The following KLB variants were observed in gnomAD, a reference collection of about 807,000 sequenced individuals.
KLB encodes beta-klotho.
A neutral mutation model predicts 88.4 loss-of-function variants in KLB; 44 were observed. That is an observed-to-expected ratio of 0.50 (90% CI 0.39 to 0.64). The LOEUF is 0.64. Ranked by LOEUF, KLB falls within the 30% of genes least tolerant of loss-of-function variation. The pLI is 0.00. For missense variants in KLB, 1,137 were observed against 1,304.8 expected, an observed-to-expected ratio of 0.87 and a Z score of 1.98; for synonymous variants, 548 against 513.4, an observed-to-expected ratio of 1.07 and a Z score of -0.91.
chr4:39,408,872 T>G (rs1742781713), intron 1 of KLB, among the ~76,000 whole-genome samples: 1 of 151,358 alleles, frequency 6.6e-6, no homozygotes, highest in African/African-American at 2.4e-5. Flanking sequence ...TGAAAAAACT[T>G]TATCAATATA....
chr4:39,443,571 C>T (rs1462546320), intron 3 of KLB, among the ~76,000 whole-genome samples: 1 of 133,514 alleles, frequency 7.5e-6, no homozygotes, highest in South Asian at 2.4e-4. Context: ...GCCTGGCCAA[C>T]GTGGCAAAAT....
chr4:39,437,770 G>T lies in KLB; in HGVS notation c.1380G>T (p.Trp460Cys), dbSNP rs765859500. 1.2e-6 allele frequency: 2 copies of T among 1,613,954 alleles called. No individual in the cohort carries two copies. Among genetic ancestry groups the T allele is most frequent in the East Asian group, 2.2e-5 (1 of 44,874 alleles). Reference protein sequence around the residue: ...DEIRVFGYTAWSLLDGFEWQD... With the variant: ...DEIRVFGYTACSLLDGFEWQD... The stretch of plus-strand genomic sequence containing the variant: ...TACGAGTGTTTGGTTATACTGCCTG[G>T]TCTCTCCTGGATGGCTTTGAATGGC... The change falls in exon 3 of 5, where the codon TGG becomes TGT. Residue 460 changes from tryptophan (W) to cysteine (C), a missense_variant. By Grantham distance (215) the Trp-to-Cys change is radical (BLOSUM62 -2). Transcript: ENST00000257408.
In KLB at chr4:39,434,204, T is replaced by C. The variant is rs903251018; in HGVS notation, c.826-6T>C. Reference sequence around the variant, plus strand: ...AACAAAGATCAATAATATTTTCTTCTTTTAGGCTCACTCGAAAGTTTGGCA... The same window carrying C: ...AACAAAGATCAATAATATTTTCTTCCTTTAGGCTCACTCGAAAGTTTGGCA... On this transcript the variant is annotated splice_region_variant and splice_polypyrimidine_tract_variant and intron_variant, in intron 1 of 4. Coordinates refer to ENST00000257408, the MANE Select transcript of KLB (RefSeq NM_175737.4). 2 of 1,595,940 alleles carry C rather than the reference T, an allele frequency of 1.3e-6. No homozygotes were observed. Among genetic ancestry groups the C allele is most frequent in the Non-Finnish European group, 1.7e-6 (2 of 1,170,426 alleles).
At chr4:39,408,384 A>AT (rs1266694266) in intron 1 of KLB, among the ~76,000 whole-genome samples, 1 of 152,158 alleles carries the variant, frequency 6.6e-6, no homozygotes, top group Non-Finnish European at 1.5e-5. Flanking sequence ...TACTAAAGCA[A>AT]TTTTCAAGCA....
Position 39,448,705 on chromosome 4 carries a change from TAGAC to T in KLB, c.*22_*25del, listed in dbSNP as rs770117219. Reference sequence around the variant, plus strand: ...TAGCTAAACTGATCTGTCTGCATGATAGACAGTTTAAAAATTCATCCCAGTTCCA... The same window carrying T: ...TAGCTAAACTGATCTGTCTGCATGATAGTTTAAAAATTCATCCCAGTTCCA... On this transcript the variant is annotated 3_prime_UTR_variant, in exon 5 of 5. Transcript: ENST00000257408. 2.8e-5 allele frequency: 45 copies of T among 1,587,472 alleles called. No individual in the cohort carries two copies. Among genetic ancestry groups the T allele is most frequent in the Middle Eastern group, 3.5e-4 (2 of 5,784 alleles).
intron 1 of KLB, among the ~76,000 whole-genome samples, chr4:39,428,062 C>T (rs1427421845): frequency 2.6e-5 from 4 of 152,124 alleles, no homozygotes; most frequent in Admixed American, 2.0e-4. Context: ...TTTTATATCC[C>T]ATGGTCACAG....
At position 39,448,875 on chromosome 4, in the gene KLB, C is replaced by A. The variant is rs1231143618; in HGVS notation, c.*189C>A. Reference sequence around the variant, plus strand: ...GGTGTTGACATCAGTGAACTCAGTTCTTGGATGTAAACATAAAGGCTTCAT... The same window carrying A: ...GGTGTTGACATCAGTGAACTCAGTTATTGGATGTAAACATAAAGGCTTCAT... On this transcript the variant is annotated 3_prime_UTR_variant, in exon 5 of 5. Coordinates refer to ENST00000257408, the MANE Select transcript of KLB (RefSeq NM_175737.4). 7 of 577,738 alleles carry A rather than the reference C, an allele frequency of 1.2e-5. No individual in the cohort carries two copies. Among genetic ancestry groups the A allele is most frequent in the African/African-American group, 7.4e-5 (4 of 53,704 alleles). The allele number at this position is 577,738 out of a possible 1,614,324, so 35.8% of individuals were successfully genotyped here.
In KLB at chr4:39,446,723, C is replaced by T; in HGVS notation, c.1997C>T (p.Thr666Met). The T allele has an allele frequency of 6.2e-7, 1 of 1,606,214 alleles. No homozygotes were observed. The highest frequency in any genetic ancestry group is 8.5e-7 in the Non-Finnish European group (1 of 1,175,470). The change falls in exon 4 of 5, where the codon ACG becomes ATG. Residue 666 changes from threonine to methionine, a missense_variant. Coordinates refer to ENST00000257408, the MANE Select transcript of KLB (RefSeq NM_175737.4). This position sits in a 1 kb window ranked among gnomAD's most constrained non-coding sequence, Gnocchi z 6.4. The part of the protein sequence containing the change: ...LHADGWLNPS[T>M]AEAFQAYAGL... ...GCCGACGGGTGGCTGAACCCATCGA[C>T]GGCCGAGGCCTTCCAGGCCTACGCT...
In KLB at chr4:39,449,685, G is replaced by A. The variant is rs978814491; in HGVS notation, c.*999G>A. On this transcript the variant is annotated 3_prime_UTR_variant, in exon 5 of 5. Coordinates refer to ENST00000257408, the MANE Select transcript of KLB (RefSeq NM_175737.4). ...ACCGCCTGTAATCCCAGCACTTTGG[G>A]AGGCCAAGGCAGGTGGATCACCTGA... is the stretch of plus-strand genomic sequence containing the variant. 6.6e-6 allele frequency: 1 copy of A among 151,888 alleles called. No homozygotes were observed. Among genetic ancestry groups the A allele is most frequent in the African/African-American group, 2.4e-5 (1 of 41,140 alleles). The allele number at this position is 151,888 out of a possible 1,614,324, so 9.4% of individuals were successfully genotyped here.
chr4:39,412,005 T>C (rs1278443830), intron 1 of KLB: 3 of 151,684 alleles, frequency 2.0e-5, no homozygotes, highest in East Asian at 2.0e-4. Flanking sequence ...GGACTATATA[T>C]ACAGAATGAT....
rs777511395 is a variant in KLB, at chr4:39,434,411, G to A, written c.1027G>A (p.Gly343Arg). Reference protein sequence around the residue: ...PIHGDGDYPEGMRKKLFSVLP... With the variant: ...PIHGDGDYPERMRKKLFSVLP... Reference sequence around the variant, plus strand: ...CCATGGGGATGGCGACTATCCAGAGGGGATGAGAAAGAAGTTGTTCTCCGT... The same window carrying A: ...CCATGGGGATGGCGACTATCCAGAGAGGATGAGAAAGAAGTTGTTCTCCGT... Residue 343 changes from glycine (G) to arginine (R), a missense_variant, in exon 2 of 5, where the codon GGG (glycine) becomes AGG (arginine). By Grantham distance (125) the Gly-to-Arg change is moderately radical. Around this residue, in one of 4 missense-constraint regions of KLB, gnomAD observed 597 missense variants for 765.2 expected, o/e 0.78. Coordinates refer to ENST00000257408, the MANE Select transcript of KLB (RefSeq NM_175737.4). 6.2e-7 allele frequency: 1 copy of A among 1,614,134 alleles called. No individual in the cohort carries two copies. Among genetic ancestry groups the A allele is most frequent in the Non-Finnish European group, 8.5e-7 (1 of 1,180,020 alleles).
Position 39,434,725 on chromosome 4 carries a change from G to C in KLB, c.1336+5G>C. On this transcript the variant is annotated splice_donor_5th_base_variant and intron_variant, in intron 2 of 4. Transcript: ENST00000257408. Reference sequence around the variant, plus strand: ...TCCTCAGCCAGGTGCTTCAAGGTTGGTTGTACACTTGCTTAATTTTTTAAA... The same window carrying C: ...TCCTCAGCCAGGTGCTTCAAGGTTGCTTGTACACTTGCTTAATTTTTTAAA... 1 of 1,581,116 alleles carries C rather than the reference G, an allele frequency of 6.3e-7. No individual in the cohort carries two copies. The highest frequency in any genetic ancestry group is 8.6e-7 in the Non-Finnish European group (1 of 1,167,478).
At chr4:39,413,154 G>A (rs1578200730) in intron 1 of KLB, among the ~76,000 whole-genome samples, 1 of 152,258 alleles carries the variant, frequency 6.6e-6, no homozygotes. Context: ...GTAGAGGAAA[G>A]ATTTCTCTCT....
rs943042604 is a variant in KLB, at chr4:39,451,102, T to C, written c.*2416T>C. On this transcript the variant is annotated 3_prime_UTR_variant, in exon 5 of 5. Coordinates refer to ENST00000257408, the MANE Select transcript of KLB (RefSeq NM_175737.4). ...CTAACCCAGTACTGAGAGTCCTCCT[T>C]CTCTGCCACTTGGGCATTATTTTAC... 1.3e-5 allele frequency: 2 copies of C among 152,182 alleles called. No homozygotes were observed. Among genetic ancestry groups the C allele is most frequent in the African/African-American group, 4.8e-5 (2 of 41,452 alleles). The allele number at this position is 152,182 out of a possible 1,614,324, so 9.4% of individuals were successfully genotyped here.
At position 39,447,330 on chromosome 4, in the gene KLB, G is replaced by C; in HGVS notation, c.2604G>C (p.Gly868=). Residue 868 remains glycine (G), a synonymous_variant, in exon 4 of 5, where the codon GGG becomes GGC. Transcript: ENST00000257408. The part of the protein sequence containing the change: ...SPTRLAVIPW[G]VRKLLRWVRR... ...CGCGCCTGGCTGTGATTCCCTGGGG[G>C]GTGCGCAAGCTGCTGCGGTGGGTCC... The C allele has an allele frequency of 6.2e-7, 1 of 1,614,160 alleles. No individual in the cohort carries two copies. The highest frequency in any genetic ancestry group is 2.2e-5 in the East Asian group (1 of 44,888).
intron 2 of KLB, among the ~76,000 whole-genome samples, chr4:39,436,086 G>C (rs1410132122): frequency 6.6e-6 from 1 of 152,202 alleles, no homozygotes; most frequent in Non-Finnish European, 1.5e-5. Context: ...GACATCTACA[G>C]GTGGCTGATA....
intron 3 of KLB, among the ~76,000 whole-genome samples, chr4:39,442,121 A>G (rs544905387): frequency 1.3e-5 from 2 of 152,118 alleles, no homozygotes; most frequent in South Asian, 2.1e-4. Context: ...AATTCCATCT[A>G]TAATTCCATC....
At position 39,430,409 on chromosome 4, in the gene KLB, G is replaced by GAAAAA. The variant is rs4008368; in HGVS notation, c.826-3793_826-3789dup. On this transcript the variant is annotated intron_variant, in intron 1 of 4. Transcript: ENST00000257408. ...TTATGACTGCTTTTGTTTCTAATTA[G>GAAAAA]AAAAAAAAAAAAGCGGTTCTCAAGA... 8.2e-5 allele frequency among the ~76,000 whole-genome samples: 11 copies of GAAAAA among 134,058 alleles called. 3 individuals carry two copies. Among genetic ancestry groups the GAAAAA allele is most frequent in the South Asian group, 4.7e-4 (2 of 4,238 alleles). The allele number at this position is 134,058 out of a possible 152,430, so 87.9% of individuals were successfully genotyped here. A position where few individuals can be genotyped will look rare whatever the true frequency, so the allele number is the denominator to read the frequency against.
intron 1 of KLB, among the ~76,000 whole-genome samples, chr4:39,411,640 C>T (rs142803549): frequency 0.077 from 11,744 of 151,794 alleles, 603 homozygotes; most frequent in Non-Finnish European, 0.12. Context: ...CCGCCTCAGC[C>T]TCCCGAGTAG....
Sources: allele counts gnomAD v4.1 joint callset (sites outside exome capture counted in the v4.1 genomes callset), GRCh38; gene constraint gnomAD v4.1.1; regional missense constraint gnomAD v4.1.1; non-coding constraint Gnocchi (gnomAD v3.1); transcripts MANE v1.5; gene names NCBI Gene and HGNC (gene_info 2026-07-23, HGNC 2026-07-21).